CNKSR3: variants seen among roughly 807,000 people sequenced by gnomAD.
CNKSR3 encodes connector enhancer of kinase suppressor of ras 3.
A neutral mutation model predicts 67.7 loss-of-function variants in CNKSR3; 36 were observed. That is an observed-to-expected ratio of 0.53 (90% CI 0.41 to 0.70). The LOEUF is 0.70. Among genes scored for constraint, CNKSR3 ranks in the 30% least tolerant of loss-of-function variants. CNKSR3 has a pLI of 0.00. For synonymous variants in CNKSR3, 281 were observed against 271.4 expected, an observed-to-expected ratio of 1.04 and a Z score of -0.35; for missense variants, 630 against 695.2, an observed-to-expected ratio of 0.91 and a Z score of 1.05.
chr6:154,418,126 T>C (rs1785059672), intron 9 of CNKSR3, among the ~76,000 whole-genome samples: 1 of 152,100 alleles, frequency 6.6e-6, no homozygotes, highest in African/African-American at 2.4e-5. Context: ...AGCTGCCCCT[T>C]CTCAGAAGAA....
At chr6:154,419,298 G>C (rs7768054) in intron 9 of CNKSR3, among the ~76,000 whole-genome samples, 43,416 of 151,962 alleles carry the variant, frequency 0.29, 7,048 homozygotes, top group Non-Finnish European at 0.38. Context: ...TCCTTCCTTG[G>C]ACTCTCAAAG....
intron 1 of CNKSR3, among the ~76,000 whole-genome samples, chr6:154,452,617 C>T (rs1225229375): frequency 2.0e-5 from 3 of 152,224 alleles, no homozygotes; most frequent in Non-Finnish European, 4.4e-5. Flanking sequence ...CTATGTTATA[C>T]ATTTCAAGCC....
intron 1 of CNKSR3, among the ~76,000 whole-genome samples, chr6:154,494,746 C>T (rs1414229491): frequency 1.3e-5 from 2 of 152,126 alleles, no homozygotes; most frequent in Non-Finnish European, 2.9e-5. Flanking sequence ...GCCCTACACA[C>T]CCCCGTTCCT....
intron 7 of CNKSR3, among the ~76,000 whole-genome samples, chr6:154,426,241 T>C (rs1785252369): frequency 6.6e-6 from 1 of 152,238 alleles, no homozygotes; most frequent in Admixed American, 6.5e-5. Flanking sequence ...CTGAGTCTGT[T>C]AGCCAGTGTT....
intron 1 of CNKSR3, among the ~76,000 whole-genome samples, chr6:154,464,919 A>G (rs2114618660): frequency 6.6e-6 from 1 of 151,582 alleles, no homozygotes; most frequent in Admixed American, 6.6e-5. Flanking sequence ...AGGTGGGTGG[A>G]TCAAGAGGTC....
chr6:154,414,629 T>C (rs1396888490), intron 9 of CNKSR3: 2 of 647,692 alleles, frequency 3.1e-6, no homozygotes, highest in African/African-American at 3.6e-5. Flanking sequence ...AATGACGATG[T>C]ATAGTGGCAA....
intron 1 of CNKSR3, among the ~76,000 whole-genome samples, chr6:154,487,036 T>C (rs1043274102): frequency 2.0e-5 from 3 of 151,564 alleles, no homozygotes; most frequent in South Asian, 2.1e-4. Flanking sequence ...CTCAGCCTCC[T>C]GAGTAGCTGG....
At position 154,486,640 on chromosome 6, in the gene CNKSR3, A is replaced by G. The variant is rs565879603; in HGVS notation, c.52+23423T>C. 1.2e-4 allele frequency among the ~76,000 whole-genome samples: 16 copies of G among 138,474 alleles called. 1 individual carries two copies. Among genetic ancestry groups the G allele is most frequent in the African/African-American group, 4.0e-4 (12 of 29,914 alleles). The allele number at this position is 138,474 out of a possible 152,430, so 90.8% of individuals were successfully genotyped here. A position where few individuals can be genotyped will look rare whatever the true frequency, so the allele number is the denominator to read the frequency against. On this transcript the variant is annotated intron_variant, in intron 1 of 12. Coordinates refer to ENST00000607772, the MANE Select transcript of CNKSR3 (RefSeq NM_173515.4). The stretch of plus-strand genomic sequence containing the variant: ...CCCAAGTAGCTGGGATTACAGGCAC[A>G]CACCACCACACCCAGCTAATCTTTT...
chr6:154,463,972 T>G (rs1786138962), intron 1 of CNKSR3, among the ~76,000 whole-genome samples: 2 of 152,158 alleles, frequency 1.3e-5, no homozygotes, highest in Non-Finnish European at 2.9e-5. Flanking sequence ...AGTCCTCTAA[T>G]AGCAAAGCCA....
intron 1 of CNKSR3, among the ~76,000 whole-genome samples, chr6:154,453,868 AG>A: frequency 6.6e-6 from 1 of 152,306 alleles, no homozygotes; most frequent in Non-Finnish European, 1.5e-5. Context: ...AGCAATTTAC[AG>A]AAAGTCTAGC....
At position 154,399,452 on chromosome 6, in the gene CNKSR3, A is replaced by G. The variant is rs2128709036; in HGVS notation, c.*6902T>C. 1 of 152,178 alleles carries G rather than the reference A, an allele frequency of 6.6e-6. No individual in the cohort carries two copies. Among genetic ancestry groups the G allele is most frequent in the Middle Eastern group, 3.4e-3 (1 of 294 alleles). The allele number at this position is 152,178 out of a possible 1,614,324, so 9.4% of individuals were successfully genotyped here. On this transcript the variant is annotated 3_prime_UTR_variant, in exon 13 of 13. Transcript: ENST00000607772. ...CGAAGTAGATGCTAGTATTATCCCC[A>G]TTTCATAGATAACTGAGGAGTGGAG...
intron 2 of CNKSR3, among the ~76,000 whole-genome samples, chr6:154,449,090 T>C (rs1785768883): frequency 6.6e-6 from 1 of 152,200 alleles, no homozygotes; most frequent in African/African-American, 2.4e-5. Context: ...AAGCTACCCA[T>C]GTGATTCTAG....
At chr6:154,501,945 A>T (rs1387094711) in intron 1 of CNKSR3, among the ~76,000 whole-genome samples, 1 of 152,208 alleles carries the variant, frequency 6.6e-6, no homozygotes, top group African/African-American at 2.4e-5. Context: ...GTATAACAAC[A>T]AAAGGGTGAA....
Position 154,397,350 on chromosome 6 carries a change from G to A in CNKSR3, c.*9004C>T, listed in dbSNP as rs1191360732. 6.6e-6 allele frequency: 1 copy of A among 152,010 alleles called. No individual in the cohort carries two copies. The highest frequency in any genetic ancestry group is 1.5e-5 in the Non-Finnish European group (1 of 68,022). The allele number at this position is 152,010 out of a possible 1,614,324, so 9.4% of individuals were successfully genotyped here. A position where few individuals can be genotyped will look rare whatever the true frequency, so the allele number is the denominator to read the frequency against. Reference sequence around the variant, plus strand: ...TTATTTAAGTGCCTTAAAAACAAAAGGAGAAGCAAAACCCTGAAAGATCTT... The same window carrying A: ...TTATTTAAGTGCCTTAAAAACAAAAAGAGAAGCAAAACCCTGAAAGATCTT... On this transcript the variant is annotated 3_prime_UTR_variant, in exon 13 of 13. Transcript: ENST00000607772.
intron 2 of CNKSR3, among the ~76,000 whole-genome samples, chr6:154,443,044 C>T (rs552706863): frequency 3.9e-5 from 6 of 152,092 alleles, no homozygotes; most frequent in South Asian, 2.1e-4. Context: ...ATTACAGGCG[C>T]GCACCACCAT....
At chr6:154,453,465 T>TAG (rs1785881388) in intron 1 of CNKSR3, among the ~76,000 whole-genome samples, 2 of 152,302 alleles carry the variant, frequency 1.3e-5, no homozygotes, top group African/African-American at 4.8e-5. Context: ...TATGAGAGAA[T>TAG]AGAAGCATTG....
rs752791221 is a variant in CNKSR3 at position 154,510,023 on chromosome 6, C to G, written c.52+40G>C. The G allele has an allele frequency of 3.7e-6, 6 of 1,611,790 alleles. No individual in the cohort carries two copies. In the East Asian group the frequency reaches 1.1e-4, roughly 30 times the overall value. On this transcript the variant is annotated intron_variant, in intron 1 of 12. Coordinates refer to ENST00000607772, the MANE Select transcript of CNKSR3 (RefSeq NM_173515.4). ...CCCAGCTCCTCGTCCGCCCCATCCCCGAGGCTGGAGGACTCCGGACCCCCC... is the reference window on the plus strand; with the variant it reads ...CCCAGCTCCTCGTCCGCCCCATCCCGGAGGCTGGAGGACTCCGGACCCCCC...
At chr6:154,485,781 G>A (rs1786653861) in intron 1 of CNKSR3, among the ~76,000 whole-genome samples, 1 of 152,158 alleles carries the variant, frequency 6.6e-6, no homozygotes, top group Admixed American at 6.5e-5. Flanking sequence ...AAGGAACAGG[G>A]GTAATCACCC....
At chr6:154,432,850 T>G (rs2128715997) in intron 5 of CNKSR3, among the ~76,000 whole-genome samples, 1 of 152,316 alleles carries the variant, frequency 6.6e-6, no homozygotes, top group South Asian at 2.1e-4. Context: ...ATCAGGAAAT[T>G]CCAAAGAGTG....
Sources: allele counts gnomAD v4.1 joint callset (sites outside exome capture counted in the v4.1 genomes callset), GRCh38; gene constraint gnomAD v4.1.1; transcripts MANE v1.5; gene names NCBI Gene and HGNC (gene_info 2026-07-23, HGNC 2026-07-21).